The following WDR49 variants were observed in gnomAD, a reference collection of about 807,000 sequenced individuals.
The protein encoded by WDR49 is cilia- and flagella-associated protein 337.
WDR49 carries 107 observed loss-of-function variants against 119.5 expected under a neutral mutation model. The observed-to-expected ratio is 0.90, with a 90% CI of 0.77 to 1.05. The LOEUF (loss-of-function observed/expected upper bound fraction) is 1.05. WDR49 is among the 50% of genes least tolerant of loss of function. WDR49 has a pLI of 0.00. For synonymous variants in WDR49, 425 were observed against 418.8 expected (o/e 1.01, Z -0.18); for missense variants, 1,240 against 1,220.5 (o/e 1.02, Z -0.24).
At chr3:167,582,993 TAGAGAGAGAA>T (rs1261936440) in intron 7 of WDR49, among the ~76,000 whole-genome samples, 1 of 147,974 alleles carries the variant, frequency 6.8e-6, no homozygotes, top group African/African-American at 2.5e-5. Flanking sequence ...CACACACAGA[TAGAGAGAGAA>T]AGAGAGAGAG....
At chr3:167,600,677 C>G (rs935694528) in intron 7 of WDR49, among the ~76,000 whole-genome samples, 1 of 152,108 alleles carries the variant, frequency 6.6e-6, no homozygotes, top group African/African-American at 2.4e-5. Context: ...GAGAGACACA[C>G]AAATGCAACA....
chr3:167,540,657 A>T (rs1405585129), intron 10 of WDR49, among the ~76,000 whole-genome samples: 1 of 152,138 alleles, frequency 6.6e-6, no homozygotes, highest in African/African-American at 2.4e-5. Context: ...TAACACCCGC[A>T]AAAGACCACA....
intron 8 of WDR49, among the ~76,000 whole-genome samples, chr3:167,563,003 C>T (rs930986833): frequency 3.3e-5 from 5 of 152,176 alleles, no homozygotes; most frequent in Non-Finnish European, 7.4e-5. Flanking sequence ...ATATCCAAAT[C>T]AATTTAAGAA....
intron 18 of WDR49, among the ~76,000 whole-genome samples, chr3:167,498,289 A>G (rs541571851): frequency 3.3e-5 from 5 of 152,302 alleles, no homozygotes; most frequent in African/African-American, 9.6e-5. Flanking sequence ...TATTGAAGTA[A>G]ATTGAAAATA....
upstream of WDR49, among the ~76,000 whole-genome samples, chr3:167,656,204 C>T (rs1015197274): frequency 1.3e-5 from 2 of 152,098 alleles, no homozygotes; most frequent in African/African-American, 2.4e-5. Context: ...TGCTTTTCTT[C>T]GATAAGTCCT....
intron 9 of WDR49, among the ~76,000 whole-genome samples, chr3:167,558,844 C>T (rs1713100109): frequency 6.6e-6 from 1 of 152,176 alleles, no homozygotes; most frequent in Non-Finnish European, 1.5e-5. Context: ...TCAGTGCATT[C>T]TCACACCCCA....
rs966434699 is a variant in WDR49, at chr3:167,497,433, GA to G, written c.3031+2719del. On this transcript the variant is annotated intron_variant, in intron 18 of 18. Transcript: ENST00000682715. Reference sequence around the variant, plus strand: ...GGAAATTTTAATAAGAAATCCAGGGGAAAAAATTCTCTTTGAGAATTTATTA... The same window carrying G: ...GGAAATTTTAATAAGAAATCCAGGGGAAAAATTCTCTTTGAGAATTTATTA... Among the ~76,000 whole-genome samples, 35 of 152,162 alleles carry G rather than the reference GA, an allele frequency of 2.3e-4. No homozygotes were observed. The South Asian group carries it at 2.7e-3, about 12-fold the overall frequency.
chr3:167,522,782 T>G (rs1752499824), intron 15 of WDR49, among the ~76,000 whole-genome samples: 1 of 152,186 alleles, frequency 6.6e-6, no homozygotes, highest in Non-Finnish European at 1.5e-5. Flanking sequence ...AAATTCTGAA[T>G]AGCCAGATGT....
intron 7 of WDR49, among the ~76,000 whole-genome samples, chr3:167,588,929 C>T (rs1364626372): frequency 6.6e-6 from 1 of 152,092 alleles, no homozygotes; most frequent in Non-Finnish European, 1.5e-5. Context: ...TGCGCAGAAG[C>T]ATTTTAACTT....
chr3:167,564,898 G>C (rs1463661645), intron 8 of WDR49, among the ~76,000 whole-genome samples: 1 of 151,608 alleles, frequency 6.6e-6, no homozygotes, highest in Non-Finnish European at 1.5e-5. Flanking sequence ...TTCAAGTCCT[G>C]GGTCTAAGAA....
chr3:167,647,827 A>T (rs1195843970), intron 2 of WDR49, among the ~76,000 whole-genome samples: 2 of 152,212 alleles, frequency 1.3e-5, no homozygotes, highest in East Asian at 1.9e-4. Flanking sequence ...ATATTTTTCA[A>T]AAAAGCAATT....
intron 16 of WDR49, among the ~76,000 whole-genome samples, chr3:167,517,524 A>C (rs1577211691): frequency 6.6e-6 from 1 of 152,090 alleles, no homozygotes; most frequent in Non-Finnish European, 1.5e-5. Context: ...ATTAACTCAA[A>C]ATGGATTAAA....
At position 167,505,330 on chromosome 3, in the gene WDR49, C is replaced by T; in HGVS notation, c.2861G>A (p.Gly954Asp). The stretch of plus-strand genomic sequence containing the variant: ...ACTGAATGATTTTTTTATAACTTCA[C>T]CATAATAAGGTTTTTGTGTTTCTTT... ...CMKETQKPYY[G>D]EVIKKSFSTF... Residue 954 changes from glycine (G) to aspartate (D), a missense_variant, in exon 17 of 19, where the codon GGT (glycine) becomes GAT (aspartate). Physicochemically the swap from Gly to Asp is moderately conservative, Grantham distance 94 (BLOSUM62 -1). Transcript: ENST00000682715. 1 of 1,516,808 alleles carries T rather than the reference C, an allele frequency of 6.6e-7. No individual in the cohort carries two copies. The highest frequency in any genetic ancestry group is 1.4e-5 in the South Asian group (1 of 73,744). 94.0% of individuals were successfully genotyped at this position (1,516,808 alleles called of 1,614,324 possible).
intron 17 of WDR49, among the ~76,000 whole-genome samples, chr3:167,501,631 T>C (rs1353778900): frequency 6.6e-6 from 1 of 152,190 alleles, no homozygotes; most frequent in East Asian, 1.9e-4. Context: ...TGGACATAAG[T>C]TGAAAAGATA....
At chr3:167,619,364 A>T (rs1716753232) in intron 5 of WDR49, among the ~76,000 whole-genome samples, 1 of 152,142 alleles carries the variant, frequency 6.6e-6, no homozygotes, top group South Asian at 2.1e-4. Context: ...TGTGCCTGTC[A>T]CACTTAGCAG....
intron 18 of WDR49, among the ~76,000 whole-genome samples, chr3:167,496,751 A>C (rs1407159759): frequency 6.6e-6 from 1 of 152,204 alleles, no homozygotes; most frequent in Non-Finnish European, 1.5e-5. Flanking sequence ...AAAGCTAAAT[A>C]CAAAAATGAA....
chr3:167,606,003 C>A (rs1465757591), intron 5 of WDR49, among the ~76,000 whole-genome samples: 11 of 152,128 alleles, frequency 7.2e-5, no homozygotes, highest in Non-Finnish European at 1.6e-4. Context: ...TGAAACTTGG[C>A]TTCTCAAGTT....
At chr3:167,610,343 TGAC>T (rs1244691350) in intron 5 of WDR49, among the ~76,000 whole-genome samples, 1 of 152,176 alleles carries the variant, frequency 6.6e-6, no homozygotes. Context: ...CAGGCAGCAC[TGAC>T]GACAAGCTGA....
intron 2 of WDR49, chr3:167,633,293 GC>G: frequency 2.7e-6 from 1 of 371,622 alleles, no homozygotes; most frequent in Non-Finnish European, 5.3e-6. Context: ...CATCATAGCA[GC>G]AGATGCTAGT....
Sources: allele counts gnomAD v4.1 joint callset (sites outside exome capture counted in the v4.1 genomes callset), GRCh38; gene constraint gnomAD v4.1.1; transcripts MANE v1.5; gene names NCBI Gene and HGNC (gene_info 2026-07-23, HGNC 2026-07-21).